Variants in COBLL1 observed in about 807,000 individuals in gnomAD.
COBLL1 encodes cordon-bleu WH2 repeat protein like 1.
In COBLL1, 50 loss-of-function variants were observed where a neutral mutation model predicts 94.8. The observed-to-expected ratio is 0.53, with a 90% CI of 0.42 to 0.67. The LOEUF (loss-of-function observed/expected upper bound fraction) is 0.67, where lower values mean the gene tolerates loss of function less well. Among genes scored for constraint, COBLL1 ranks in the 30% least tolerant of loss-of-function variants. The pLI, the probability that COBLL1 is intolerant of heterozygous loss-of-function variation, is 0.00. For synonymous variants in COBLL1, 448 were observed against 473.8 expected (o/e 0.95, Z 0.71); for missense variants, 1,362 against 1,348.7 (o/e 1.01, Z -0.15).
chr2:164,805,993 G>T (rs971726800), intron 2 of COBLL1, among the ~76,000 whole-genome samples: 1 of 152,114 alleles, frequency 6.6e-6, no homozygotes, highest in Non-Finnish European at 1.5e-5. Context: ...ATTTGGTGTC[G>T]TCCATGTCTT....
chr2:164,699,552 TACACACACACACAG>T (rs1373457851), intron 10 of COBLL1, 53 bp from the exon 11 acceptor site: 16 of 965,962 alleles, frequency 1.7e-5, no homozygotes, highest in African/African-American at 6.4e-5. Flanking sequence ...AACACACACA[TACACACACACACAG>T]ACACACACAC....
chr2:164,752,170 G>A (rs967469360), intron 2 of COBLL1, among the ~76,000 whole-genome samples: 1 of 152,194 alleles, frequency 6.6e-6, no homozygotes, highest in Admixed American at 6.5e-5. Flanking sequence ...TAATCCTTGA[G>A]TGTTGACTGT....
chr2:164,706,271 T>C (rs1684595186), intron 7 of COBLL1, among the ~76,000 whole-genome samples: 1 of 152,150 alleles, frequency 6.6e-6, no homozygotes, highest in Non-Finnish European at 1.5e-5. Flanking sequence ...ATACATTATT[T>C]TTCTTCCAGG....
chr2:164,722,301 G>T lies in COBLL1; in HGVS notation c.770C>A (p.Ala257Asp), dbSNP rs999352637. 1.2e-6 allele frequency: 2 copies of T among 1,613,276 alleles called. No homozygotes were observed. The highest frequency in any genetic ancestry group is 1.7e-6 in the Non-Finnish European group (2 of 1,179,446). The stretch of plus-strand genomic sequence containing the variant: ...CTTATTTACTAGAGGGGTTGCAGGG[G>T]CACTTGCAGTCTAGTAAAGAATGAC... ...SKKKRDQTAS[A>D]PATPLVNKHR... Residue 257 changes from alanine (A) to aspartate (D), a missense_variant, in exon 7 of 14, where the codon GCC becomes GAC. Transcript: ENST00000652658.
chr2:164,802,951 T>C (rs1683886856), intron 2 of COBLL1, among the ~76,000 whole-genome samples: 1 of 152,244 alleles, frequency 6.6e-6, no homozygotes, highest in South Asian at 2.1e-4. Context: ...ATATCAGTGC[T>C]AAATGGTCTT....
chr2:164,818,612 T>C (rs1396421994), intron 2 of COBLL1, among the ~76,000 whole-genome samples: 4 of 144,660 alleles, frequency 2.8e-5, no homozygotes, highest in Non-Finnish European at 4.5e-5. Context: ...TATGTGTACA[T>C]ATGTACACAT....
chr2:164,764,800 T>A (rs1221074497), intron 2 of COBLL1, among the ~76,000 whole-genome samples: 3 of 152,276 alleles, frequency 2.0e-5, no homozygotes, highest in East Asian at 3.9e-4. Flanking sequence ...ACATTTATTT[T>A]AAAAATCCAT....
intron 3 of COBLL1, among the ~76,000 whole-genome samples, chr2:164,732,498 T>G (rs1686071562): frequency 6.6e-6 from 1 of 152,138 alleles, no homozygotes; most frequent in African/African-American, 2.4e-5. Context: ...GTAAATAAAG[T>G]TAAGAAGGAT....
intron 2 of COBLL1, among the ~76,000 whole-genome samples, chr2:164,769,708 A>T (rs1688111913): frequency 6.6e-6 from 1 of 152,104 alleles, no homozygotes; most frequent in Non-Finnish European, 1.5e-5. Context: ...TAAAAAGAGT[A>T]ATTGCACAGA....
At chr2:164,824,169 G>C (rs897827191) in intron 2 of COBLL1, among the ~76,000 whole-genome samples, 2 of 152,102 alleles carry the variant, frequency 1.3e-5, no homozygotes, top group Non-Finnish European at 2.9e-5. Context: ...ATCACCTGAG[G>C]TCAGAAGTTC....
chr2:164,783,173 G>A (rs1688790583), intron 2 of COBLL1, among the ~76,000 whole-genome samples: 1 of 152,076 alleles, frequency 6.6e-6, no homozygotes, highest in South Asian at 2.1e-4. Flanking sequence ...AAGCTGAGGT[G>A]AGAGAATCAG....
chr2:164,750,002 C>T (rs569759150), intron 2 of COBLL1, among the ~76,000 whole-genome samples: 56 of 152,282 alleles, frequency 3.7e-4, no homozygotes, highest in African/African-American at 1.3e-3. Context: ...CCATCCTCAC[C>T]TCCTCTGATT....
intron 2 of COBLL1, among the ~76,000 whole-genome samples, chr2:164,802,487 G>T (rs1168429709): frequency 2.6e-5 from 4 of 152,160 alleles, no homozygotes; most frequent in African/African-American, 9.7e-5. Context: ...GCCCAATACA[G>T]CAGGAAAAAG....
At chr2:164,669,918 G>C (rs1295999108) in intron 1 of COBLL1, among the ~76,000 whole-genome samples, 2 of 152,156 alleles carry the variant, frequency 1.3e-5, no homozygotes, top group East Asian at 3.8e-4. Flanking sequence ...TGTTGTTGTT[G>C]TTACGTGAGA....
At chr2:164,728,729 G>A (rs1359038834) in intron 4 of COBLL1, among the ~76,000 whole-genome samples, 1 of 151,950 alleles carries the variant, frequency 6.6e-6, no homozygotes, top group East Asian at 1.9e-4. Flanking sequence ...TTATCAATAA[G>A]AGAACATTAG....
Position 164,798,888 on chromosome 2 carries a change from C to T in COBLL1, c.41+42268G>A, listed in dbSNP as rs191384399. Among the ~76,000 whole-genome samples the T allele has an allele frequency of 2.6e-5, 4 of 151,920 alleles. No individual in the cohort carries two copies. In the East Asian group the frequency reaches 5.8e-4, roughly 22 times the overall value. On this transcript the variant is annotated intron_variant, in intron 2 of 13. Coordinates refer to ENST00000652658, the MANE Select transcript of COBLL1 (RefSeq NM_001365672.2). ...CAAAAAAATTAGCCGGGCAAGGTGG[C>T]GCACGTCTGTAGTCCCAGATACTCG...
chr2:164,803,067 C>A (rs947600879), intron 2 of COBLL1, among the ~76,000 whole-genome samples: 65 of 152,096 alleles, frequency 4.3e-4, no homozygotes, highest in African/African-American at 1.5e-3. Flanking sequence ...AAAAAATTTT[C>A]CACTATTATA....
At chr2:164,812,769 A>G (rs1313235879) in intron 2 of COBLL1, among the ~76,000 whole-genome samples, 1 of 152,172 alleles carries the variant, frequency 6.6e-6, no homozygotes, top group South Asian at 2.1e-4. Flanking sequence ...TTCTTGTATT[A>G]AAAATTATAA....
chr2:164,659,429 A>C (rs2105381360), intron 2 of COBLL1, among the ~76,000 whole-genome samples: 1 of 152,334 alleles, frequency 6.6e-6, no homozygotes, highest in Non-Finnish European at 1.5e-5. Context: ...ATTGTCTGGA[A>C]GAAATGTGGC....
Sources: allele counts gnomAD v4.1 joint callset (sites outside exome capture counted in the v4.1 genomes callset), GRCh38; gene constraint gnomAD v4.1.1; transcripts MANE v1.5; gene names NCBI Gene and HGNC (gene_info 2026-07-23, HGNC 2026-07-21).